CDH12: variants seen among roughly 807,000 people sequenced by gnomAD.
CDH12 encodes the protein cadherin-12.
A neutral mutation model predicts 74.1 loss-of-function variants in CDH12; 41 were observed. The observed-to-expected ratio is 0.55, with a 90% confidence interval of 0.43 to 0.72. CDH12 has a LOEUF of 0.72. CDH12 is among the 30% of genes least tolerant of loss of function. The pLI, the probability that CDH12 is intolerant of heterozygous loss-of-function variation, is 0.00. For synonymous variants in CDH12, 399 were observed against 355.0 expected, an observed-to-expected ratio of 1.12 and a Z score of -1.39; for missense variants, 945 against 977.2, an observed-to-expected ratio of 0.97 and a Z score of 0.44.
chr5:22,669,350 T>C (rs1740786864), intron 1 of CDH12, among the ~76,000 whole-genome samples: 1 of 152,174 alleles, frequency 6.6e-6, no homozygotes, highest in Non-Finnish European at 1.5e-5. Flanking sequence ...TTAGAGATAC[T>C]GTAAGTGTAG....
intron 7 of CDH12, among the ~76,000 whole-genome samples, chr5:21,853,356 T>C (rs1448433484): frequency 6.6e-6 from 1 of 151,616 alleles, no homozygotes; most frequent in Non-Finnish European, 1.5e-5. Flanking sequence ...TCAGTACCGA[T>C]ACTCCCTTCT....
intron 1 of CDH12, among the ~76,000 whole-genome samples, chr5:22,777,473 CATT>C (rs1000843999): frequency 2.6e-5 from 4 of 151,964 alleles, no homozygotes; most frequent in East Asian, 1.9e-4. Flanking sequence ...AGAATAATAA[CATT>C]ATTATTATTA....
chr5:22,243,877 G>A (rs4593232), intron 3 of CDH12, among the ~76,000 whole-genome samples: 61,008 of 151,926 alleles, frequency 0.4, 12,454 homozygotes, highest in East Asian at 0.49. Flanking sequence ...ATACAAGAAC[G>A]AACACATATT....
chr5:22,267,460 A>G (rs1736175980), intron 3 of CDH12, among the ~76,000 whole-genome samples: 1 of 152,156 alleles, frequency 6.6e-6, no homozygotes, highest in Non-Finnish European at 1.5e-5. Flanking sequence ...AGACAACCTT[A>G]TTTCATGTCC....
chr5:22,823,443 T>G (rs1439613040), intron 1 of CDH12, among the ~76,000 whole-genome samples: 1 of 151,878 alleles, frequency 6.6e-6, no homozygotes, highest in Non-Finnish European at 1.5e-5. Context: ...CTGCTGCCAC[T>G]CATGTAAGAC....
At chr5:22,592,235 CT>C (rs1736367590) in intron 1 of CDH12, among the ~76,000 whole-genome samples, 1 of 152,224 alleles carries the variant, frequency 6.6e-6, no homozygotes, top group Non-Finnish European at 1.5e-5. Context: ...TGAATAATCA[CT>C]GTTGTGAACA....
chr5:22,560,355 T>C (rs1218735311), intron 1 of CDH12, among the ~76,000 whole-genome samples: 4 of 152,120 alleles, frequency 2.6e-5, no homozygotes, highest in African/African-American at 9.7e-5. Context: ...GTGCTATCTG[T>C]TCATTAGTCA....
At chr5:22,439,006 G>A (rs1744516768) in intron 2 of CDH12, among the ~76,000 whole-genome samples, 1 of 151,858 alleles carries the variant, frequency 6.6e-6, no homozygotes, top group South Asian at 2.1e-4. Context: ...TTGATAGGAA[G>A]ATTTAATTAA....
At chr5:21,890,539 C>T (rs1752848839) in intron 6 of CDH12, among the ~76,000 whole-genome samples, 1 of 152,016 alleles carries the variant, frequency 6.6e-6, no homozygotes, top group East Asian at 1.9e-4. Flanking sequence ...TTTCACTATT[C>T]CACCTTCTGC....
chr5:22,677,252 A>G (rs1191523604), intron 1 of CDH12, among the ~76,000 whole-genome samples: 1 of 152,170 alleles, frequency 6.6e-6, no homozygotes, highest in Non-Finnish European at 1.5e-5. Context: ...TGATTAGGCT[A>G]GTATAAGAGA....
At position 22,505,386 on chromosome 5, in the gene CDH12, G is replaced by A. The variant is rs1278884055; in HGVS notation, c.-522-22C>T. On this transcript the variant is annotated intron_variant, in intron 1 of 14. Transcript: ENST00000382254. Reference sequence around the variant, plus strand: ...AAAGCTGGAAAGACAAACATATACAGTCAGAATGTTAACTATCTTTTCTAA... The same window carrying A: ...AAAGCTGGAAAGACAAACATATACAATCAGAATGTTAACTATCTTTTCTAA... 5 of 763,614 alleles carry A rather than the reference G, an allele frequency of 6.5e-6. No individual in the cohort carries two copies. In the African/African-American group the frequency reaches 7.6e-5, roughly 12 times the overall value. 47.3% of individuals were successfully genotyped at this position (763,614 alleles called of 1,614,324 possible).
At chr5:21,784,725 C>T (rs2149899558) in intron 10 of CDH12, among the ~76,000 whole-genome samples, 1 of 152,206 alleles carries the variant, frequency 6.6e-6, no homozygotes, top group African/African-American at 2.4e-5. Flanking sequence ...AGAAAGTGTT[C>T]ATTGTGAAAA....
At chr5:22,503,224 T>C (rs1736244695) in intron 2 of CDH12, among the ~76,000 whole-genome samples, 3 of 152,132 alleles carry the variant, frequency 2.0e-5, no homozygotes, top group African/African-American at 7.2e-5. Flanking sequence ...AACATGAATA[T>C]AAGTGAGAAA....
chr5:22,212,099 T>C (rs1341265924), intron 4 of CDH12: 1 of 151,798 alleles, frequency 6.6e-6, no homozygotes, highest in African/African-American at 2.4e-5. Context: ...AAATCTCAAC[T>C]CGCATTTGCA....
In CDH12 at chr5:21,932,438, A is replaced by G. The variant is rs150250103; in HGVS notation, c.526+42653T>C. 5.6e-4 allele frequency among the ~76,000 whole-genome samples: 85 copies of G among 152,342 alleles called. 1 individual carries two copies. The East Asian group carries it at 0.011, about 19-fold the overall frequency. On this transcript the variant is annotated intron_variant, in intron 6 of 14. Transcript: ENST00000382254. ...ATAAAAGTCATTCAATAAAAAATTAATCACTACATTCTTTTGGATAAAAAA... is the reference window on the plus strand; with the variant it reads ...ATAAAAGTCATTCAATAAAAAATTAGTCACTACATTCTTTTGGATAAAAAA...
At chr5:22,705,497 ATG>A (rs1491216143) in intron 1 of CDH12, among the ~76,000 whole-genome samples, 29 of 120,406 alleles carry the variant, frequency 2.4e-4, no homozygotes, top group African/African-American at 8.5e-4. Context: ...ATCAACACAC[ATG>A]CACACACACA....
At chr5:22,298,781 G>A (rs1056720464) in intron 3 of CDH12, among the ~76,000 whole-genome samples, 22 of 152,120 alleles carry the variant, frequency 1.4e-4, no homozygotes, top group Admixed American at 2.0e-4. Context: ...ATATCAATAA[G>A]TCTTTAAATA....
chr5:22,134,981 C>T (rs1350596228), intron 4 of CDH12, among the ~76,000 whole-genome samples: 1 of 151,966 alleles, frequency 6.6e-6, no homozygotes, highest in Admixed American at 6.6e-5. Context: ...TTGTAATGGA[C>T]AGTAGACCTT....
chr5:22,314,699 A>G (rs1267484709), intron 3 of CDH12, among the ~76,000 whole-genome samples: 1 of 152,144 alleles, frequency 6.6e-6, no homozygotes, highest in Non-Finnish European at 1.5e-5. Context: ...GGCTGGGAAG[A>G]AGAACCAACG....
Sources: gnomAD v4.1 joint callset for allele counts (sites outside exome capture counted in the v4.1 genomes callset) on GRCh38, gnomAD v4.1.1 for gene constraint, MANE v1.5 for transcripts, NCBI Gene and HGNC (gene_info 2026-07-23, HGNC 2026-07-21) for gene names.